PSMA1: variants seen among roughly 807,000 people sequenced by gnomAD.
PSMA1 encodes proteasome 20S subunit alpha 1.
PSMA1 carries 3 observed loss-of-function variants against 38.4 expected under a neutral mutation model. The ratio of observed to expected loss-of-function variants is 0.08; its 90% CI spans 0.04 to 0.20. PSMA1 has a LOEUF of 0.20. Among genes scored for constraint, PSMA1 ranks in the 10% least tolerant of loss-of-function variants. The pLI is 1.00. For synonymous variants in PSMA1, 101 were observed against 107.1 expected, an observed-to-expected ratio of 0.94 and a Z score of 0.35; for missense variants, 227 against 325.3, an observed-to-expected ratio of 0.70 and a Z score of 2.32.
At chr11:14,611,772 T>C (rs1852711650) in intron 1 of PSMA1, among the ~76,000 whole-genome samples, 1 of 152,246 alleles carries the variant, frequency 6.6e-6, no homozygotes, top group South Asian at 2.1e-4. Context: ...CTCCCTTCCA[T>C]GCTCTCTCTC....
intron 2 of PSMA1, among the ~76,000 whole-genome samples, chr11:14,585,768 C>T (rs974756864): frequency 6.6e-6 from 1 of 152,122 alleles, no homozygotes; most frequent in Non-Finnish European, 1.5e-5. Context: ...GTGCAGTAGC[C>T]CTGAAACCTG....
intron 1 of PSMA1, among the ~76,000 whole-genome samples, chr11:14,624,808 G>A (rs1852892471): frequency 6.6e-6 from 1 of 152,148 alleles, no homozygotes; most frequent in African/African-American, 2.4e-5. Flanking sequence ...GCTGTGAAAG[G>A]ACATGTACAA....
intron 2 of PSMA1, among the ~76,000 whole-genome samples, chr11:14,578,409 C>A (rs1852245390): frequency 6.6e-6 from 1 of 151,992 alleles, no homozygotes; most frequent in African/African-American, 2.4e-5. Context: ...AGGGCTGGAG[C>A]AAGAAAGGAT....
intron 1 of PSMA1, among the ~76,000 whole-genome samples, chr11:14,633,934 A>G (rs886116014): frequency 3.9e-5 from 6 of 152,014 alleles, no homozygotes; most frequent in Non-Finnish European, 7.4e-5. Context: ...TCTTTGACTC[A>G]GAAAGGGAAC....
At chr11:14,511,822 G>A (rs2575852) in intron 7 of PSMA1, among the ~76,000 whole-genome samples, 100,942 of 151,990 alleles carry the variant, frequency 0.66, 33,728 homozygotes, top group African/African-American at 0.7. Context: ...TTAGAAAGGA[G>A]AAAGTAAAAC....
chr11:14,583,937 T>C (rs778749653), intron 2 of PSMA1, among the ~76,000 whole-genome samples: 1 of 152,156 alleles, frequency 6.6e-6, no homozygotes. Context: ...TCAGGGCTCA[T>C]ACCCTCCTAC....
chr11:14,636,716 C>T lies in PSMA1; in HGVS notation c.-166+6739G>A, dbSNP rs566984185. Among the ~76,000 whole-genome samples, 220 of 152,312 alleles carry T rather than the reference C, an allele frequency of 1.4e-3. 1 individual carries two copies. The highest frequency in any genetic ancestry group is 5.1e-3 in the African/African-American group (214 of 41,576). Reference sequence around the variant, plus strand: ...ACTCTCAATTATTCCTCTAGTACTTCTTATCCTGTTCAATGGTTTCAAGAT... The same window carrying T: ...ACTCTCAATTATTCCTCTAGTACTTTTTATCCTGTTCAATGGTTTCAAGAT... On this transcript the variant is annotated intron_variant, in intron 1 of 10. Coordinates refer to the PSMA1 transcript ENST00000418988.
chr11:14,561,135 A>G (rs1852002889), intron 2 of PSMA1, among the ~76,000 whole-genome samples: 1 of 152,242 alleles, frequency 6.6e-6, no homozygotes, highest in Non-Finnish European at 1.5e-5. Context: ...ATTAACTGCT[A>G]AATAAATCAC....
intron 2 of PSMA1, among the ~76,000 whole-genome samples, chr11:14,562,631 T>G (rs540898689): frequency 2.9e-4 from 44 of 151,826 alleles, no homozygotes; most frequent in Non-Finnish European, 6.0e-4. Context: ...CATGAGCATT[T>G]TTTTTTTTTT....
intron 2 of PSMA1, among the ~76,000 whole-genome samples, chr11:14,542,076 ATAAT>A (rs2134164793): frequency 6.6e-6 from 1 of 152,368 alleles, no homozygotes; most frequent in South Asian, 2.1e-4. Flanking sequence ...AATGCAAACT[ATAAT>A]TACTTAATTT....
chr11:14,631,684 G>A (rs867325953), intron 1 of PSMA1, among the ~76,000 whole-genome samples: 17 of 152,202 alleles, frequency 1.1e-4, no homozygotes, highest in South Asian at 2.1e-4. Flanking sequence ...TATTAGGTCC[G>A]CTTGGTGCAG....
chr11:14,610,589 C>G (rs551788339), intron 2 of PSMA1, among the ~76,000 whole-genome samples: 1 of 152,212 alleles, frequency 6.6e-6, no homozygotes, highest in East Asian at 1.9e-4. Context: ...ATGTCACAAG[C>G]CTTGAGTGGC....
rs1409466403 is a variant in PSMA1, at chr11:14,577,332, A to T, written c.21+33634T>A. Among the ~76,000 whole-genome samples, 3 of 152,204 alleles carry T rather than the reference A, an allele frequency of 2.0e-5. No homozygotes were observed. The East Asian group carries it at 5.8e-4, about 29-fold the overall frequency. On this transcript the variant is annotated intron_variant, in intron 2 of 10. Transcript: ENST00000418988. ...GTAATCTGCTCATGGTTGCGCTGCC[A>T]TTAAGTAGTGAAGGCAGGATCTGAA...
At chr11:14,520,426 C>T (rs1851510004), upstream of PSMA1, 10 of 1,606,964 alleles carry the variant, frequency 6.2e-6, no homozygotes, top group South Asian at 2.2e-5. Context: ...CAGGGTAGCG[C>T]AGTCTATTCC....
intron 2 of PSMA1, among the ~76,000 whole-genome samples, chr11:14,590,150 G>A (rs1852393504): frequency 6.6e-6 from 1 of 152,200 alleles, no homozygotes; most frequent in Non-Finnish European, 1.5e-5. Context: ...TAGTCAAACT[G>A]ATAGAGAAAG....
At position 14,629,773 on chromosome 11, in the gene PSMA1, C is replaced by A. The variant is rs1852973716; in HGVS notation, c.-166+13682G>T. Among the ~76,000 whole-genome samples, 5 of 150,430 alleles carry A rather than the reference C, an allele frequency of 3.3e-5. No homozygotes were observed. In the South Asian group the frequency reaches 1.0e-3, roughly 31 times the overall value. On this transcript the variant is annotated intron_variant, in intron 1 of 10. Transcript: ENST00000418988. ...TTACCTTGGGCAGTATGGCCATTTTCACGATATTGATTCTTCCTACCCATG... is the reference window on the plus strand; with the variant it reads ...TTACCTTGGGCAGTATGGCCATTTTAACGATATTGATTCTTCCTACCCATG...
chr11:14,557,528 C>G (rs1342044786), intron 2 of PSMA1, among the ~76,000 whole-genome samples: 1 of 152,212 alleles, frequency 6.6e-6, no homozygotes, highest in African/African-American at 2.4e-5. Context: ...AGGCGTGAGC[C>G]AACGTGCCTG....
chr11:14,516,328 T>C (rs1851428653), intron 4 of PSMA1, among the ~76,000 whole-genome samples: 1 of 152,190 alleles, frequency 6.6e-6, no homozygotes, highest in African/African-American at 2.4e-5. Flanking sequence ...CCTCAGCCTT[T>C]TGAGTAGCTA....
At position 14,505,198 on chromosome 11, in the gene PSMA1, T is replaced by A. The variant is rs1489129763; in HGVS notation, c.786A>T (p.Glu262Asp). Residue 262 changes from glutamate to aspartate, a missense_variant, in exon 10 of 10, where the codon GAA (glutamate) becomes GAT (aspartate). Physicochemically the swap from Glu to Asp is conservative, Grantham distance 45 (BLOSUM62 2). Transcript: ENST00000396394. Reference sequence around the variant, plus strand: ...ATATAGACTGGCTTATCACTTAATGTTCCATTGGTTCATCAGCCTTTTCTG... The same window carrying A: ...ATATAGACTGGCTTATCACTTAATGATCCATTGGTTCATCAGCCTTTTCTG... ...EPAEKADEPM[E>D]H 6.2e-7 allele frequency: 1 copy of A among 1,613,230 alleles called. No individual in the cohort carries two copies.
Sources: allele counts gnomAD v4.1 joint callset (sites outside exome capture counted in the v4.1 genomes callset), GRCh38; gene constraint gnomAD v4.1.1; transcripts MANE v1.5; gene names NCBI Gene and HGNC (gene_info 2026-07-23, HGNC 2026-07-21).